RALGAPA2: variants seen among roughly 807,000 people sequenced by gnomAD.
The protein encoded by RALGAPA2 is ral GTPase-activating protein subunit alpha-2.
In RALGAPA2, 139 loss-of-function variants were observed where a neutral mutation model predicts 230.4. The ratio of observed to expected loss-of-function variants is 0.60; its 90% confidence interval spans 0.53 to 0.69. The LOEUF is 0.69. RALGAPA2 is among the 30% of genes least tolerant of loss of function. RALGAPA2 has a pLI of 0.00. For synonymous variants in RALGAPA2, 847 were observed against 837.8 expected (o/e 1.01, Z -0.19); for missense variants, 2,163 against 2,276.0 (o/e 0.95, Z 1.01).
intron 36 of RALGAPA2, among the ~76,000 whole-genome samples, chr20:20,486,006 G>C (rs964412150): frequency 3.3e-5 from 5 of 152,106 alleles, no homozygotes; most frequent in African/African-American, 9.7e-5. Flanking sequence ...AGGCATGGTG[G>C]TGTGTGCCTG....
chr20:20,504,989 T>C (rs2062489534), intron 34 of RALGAPA2: 5 of 983,636 alleles, frequency 5.1e-6, no homozygotes, highest in Non-Finnish European at 6.0e-6. Flanking sequence ...ATCATGGCTA[T>C]TATATTATAT....
chr20:20,491,133 A>G (rs1251309306), intron 36 of RALGAPA2, among the ~76,000 whole-genome samples: 1 of 152,168 alleles, frequency 6.6e-6, no homozygotes, highest in Non-Finnish European at 1.5e-5. Flanking sequence ...GATCTGCCCA[A>G]GACACCTACC....
Position 20,548,554 on chromosome 20 carries a change from AAAGG to A in RALGAPA2, c.3157-1726_3157-1723del, listed in dbSNP as rs1005219974. 2.0e-5 allele frequency among the ~76,000 whole-genome samples: 3 copies of A among 152,178 alleles called. No homozygotes were observed. In the South Asian group the frequency reaches 6.2e-4, roughly 31 times the overall value. ...ATAAACAGATAAATAGATAAGTGAA[AAAGG>A]AAGGAAGGAAGAAAAAAAAACATGA... On this transcript the variant is annotated intron_variant, in intron 23 of 39. Coordinates refer to ENST00000202677, the MANE Select transcript of RALGAPA2 (RefSeq NM_020343.4).
At chr20:20,565,789 C>T (rs1010607550) in intron 23 of RALGAPA2, among the ~76,000 whole-genome samples, 1 of 152,206 alleles carries the variant, frequency 6.6e-6, no homozygotes, top group Non-Finnish European at 1.5e-5. Context: ...CAAGTGCATT[C>T]AGCAACTGAA....
chr20:20,589,395 AAATAGAAGG>A (rs768414226), intron 17 of RALGAPA2, 30 bp from the exon 18 acceptor site: 4 of 1,546,936 alleles, frequency 2.6e-6, no homozygotes, highest in African/African-American at 2.7e-5. Flanking sequence ...GGGGTAGCGG[AAATAGAAGG>A]AATGTTTCAG....
Position 20,531,538 on chromosome 20 carries a change from C to T in RALGAPA2, c.3582+149G>A, listed in dbSNP as rs558686838. ...GCCAGCAGGGGAGCATCCGTTGGTG[C>T]CCCTCCCGGGAGCCTCACAGCACAT... On this transcript the variant is annotated intron_variant, in intron 27 of 39. Coordinates refer to ENST00000202677, the MANE Select transcript of RALGAPA2 (RefSeq NM_020343.4). The T allele has an allele frequency of 9.5e-5, 67 of 707,450 alleles. No individual in the cohort carries two copies. The South Asian group carries it at 1.1e-3, about 11-fold the overall frequency. The allele number at this position is 707,450 out of a possible 1,614,324, so 43.8% of individuals were successfully genotyped here.
rs117239101 is a variant in RALGAPA2 at position 20,679,189 on chromosome 20, T to C, written c.217+1502A>G. ...TCCCCCATGCACCTCAAACACAGACTGCCCAAAGCCACTCTCACCCTCCTG... is the reference window on the plus strand; with the variant it reads ...TCCCCCATGCACCTCAAACACAGACCGCCCAAAGCCACTCTCACCCTCCTG... On this transcript the variant is annotated intron_variant, in intron 2 of 39. Coordinates refer to ENST00000202677, the MANE Select transcript of RALGAPA2 (RefSeq NM_020343.4). 3.1e-3 allele frequency among the ~76,000 whole-genome samples: 472 copies of C among 152,222 alleles called. 13 individuals carry two copies. In the East Asian group the frequency reaches 0.072, roughly 23 times the overall value.
chr20:20,653,006 C>T (rs1015295800), intron 4 of RALGAPA2, among the ~76,000 whole-genome samples: 2 of 151,504 alleles, frequency 1.3e-5, no homozygotes, highest in Non-Finnish European at 2.9e-5. Context: ...GCCTGGCCAA[C>T]ATGGTGAAAC....
chr20:20,529,619 C>A (rs2063317234), intron 27 of RALGAPA2, among the ~76,000 whole-genome samples: 1 of 152,106 alleles, frequency 6.6e-6, no homozygotes, highest in Non-Finnish European at 1.5e-5. Context: ...AAGTACTTAC[C>A]ATTGTGTTCC....
chr20:20,512,905 A>G lies in RALGAPA2; in HGVS notation c.4464T>C (p.Asn1488=). 1 of 1,613,906 alleles carries G rather than the reference A, an allele frequency of 6.2e-7. No individual in the cohort carries two copies. Residue 1488 remains asparagine, a synonymous_variant, in exon 32 of 40, where the codon AAT becomes AAC. Transcript: ENST00000202677. ...AAATCAGAAATGAAGGATTTCTTCC[A>G]TTGGGTGCTAAGCAGCCTTCCAAAG... The part of the protein sequence containing the change: ...YGPLEGCLAP[N]GRNPSFLISS...
At chr20:20,458,447 A>G (rs1352488050) in intron 37 of RALGAPA2, among the ~76,000 whole-genome samples, 1 of 139,066 alleles carries the variant, frequency 7.2e-6, no homozygotes, top group Non-Finnish European at 1.5e-5. Context: ...TATATTACAT[A>G]TAATACATAT....
At chr20:20,699,164 T>A (rs962048080) in intron 1 of RALGAPA2, among the ~76,000 whole-genome samples, 7 of 152,238 alleles carry the variant, frequency 4.6e-5, no homozygotes, top group Admixed American at 1.3e-4. Context: ...TAACTATTTC[T>A]CCTCTTATAA....
rs1331803479 is a variant in RALGAPA2 at position 20,391,382 on chromosome 20, C to T, written c.*1907G>A. ...CCCCGTGAGTATCCTGGGCCCTTCCCAAAACGGCCCAGGGGCCAGAAGCTT... is the reference window on the plus strand; with the variant it reads ...CCCCGTGAGTATCCTGGGCCCTTCCTAAAACGGCCCAGGGGCCAGAAGCTT... On this transcript the variant is annotated 3_prime_UTR_variant, in exon 40 of 40. Transcript: ENST00000202677. The T allele has an allele frequency of 6.6e-6, 1 of 152,266 alleles. No individual in the cohort carries two copies. Among genetic ancestry groups the T allele is most frequent in the Non-Finnish European group, 1.5e-5 (1 of 68,080 alleles). 9.4% of individuals were successfully genotyped at this position (152,266 alleles called of 1,614,324 possible).
Position 20,512,732 on chromosome 20 carries a change from G to A in RALGAPA2, c.4637C>T (p.Ser1546Phe). 1 of 1,613,874 alleles carries A rather than the reference G, an allele frequency of 6.2e-7. No individual in the cohort carries two copies. Among genetic ancestry groups the A allele is most frequent in the South Asian group, 1.1e-5 (1 of 91,080 alleles). ...LPSQLNLNEP[S>F]LTPCGMNYDQ... is the part of the protein sequence containing the mutation. ...ATAGTTCATGCCACATGGGGTTAGG[G>A]AAGGTTCATTTAGATTTAGCTGTGA... The change falls in exon 32 of 40, where the codon TCC becomes TTC. Residue 1546 changes from serine (S) to phenylalanine (F), a missense_variant. Transcript: ENST00000202677.
chr20:20,630,386 CAAG>C (rs1049056699), intron 9 of RALGAPA2, among the ~76,000 whole-genome samples: 3 of 152,092 alleles, frequency 2.0e-5, no homozygotes, highest in Admixed American at 1.3e-4. Flanking sequence ...GTATTTTTTA[CAAG>C]AAGAGACAAG....
intron 10 of RALGAPA2, among the ~76,000 whole-genome samples, chr20:20,623,159 C>T (rs2066373873): frequency 6.6e-6 from 1 of 152,020 alleles, no homozygotes; most frequent in Admixed American, 6.5e-5. Context: ...GAATAATGAT[C>T]CAATCAAAAG....
chr20:20,586,594 A>T (rs2065140677), intron 18 of RALGAPA2, among the ~76,000 whole-genome samples: 1 of 152,216 alleles, frequency 6.6e-6, no homozygotes, highest in South Asian at 2.1e-4. Context: ...ATTTTAAAGG[A>T]ATAAAAGTTG....
chr20:20,528,975 T>A (rs2063299873), intron 27 of RALGAPA2, among the ~76,000 whole-genome samples: 1 of 151,942 alleles, frequency 6.6e-6, no homozygotes, highest in Non-Finnish European at 1.5e-5. Context: ...TGGTGGTTGT[T>A]CTCCTCGTTC....
intron 1 of RALGAPA2, 28 bp from the exon 2 acceptor site, chr20:20,680,829 C>G: frequency 1.3e-6 from 2 of 1,533,004 alleles, no homozygotes; most frequent in Non-Finnish European, 1.7e-6. Flanking sequence ...CCATTTATGA[C>G]AATTCACTTT....
Sources: gnomAD v4.1 joint callset for allele counts (sites outside exome capture counted in the v4.1 genomes callset) on GRCh38, gnomAD v4.1.1 for gene constraint, MANE v1.5 for transcripts, NCBI Gene and HGNC (gene_info 2026-07-23, HGNC 2026-07-21) for gene names.